Variants in FRMD8 observed in about 807,000 individuals in gnomAD.
FRMD8 encodes FERM domain-containing protein 8.
A neutral mutation model predicts 54.2 loss-of-function variants in FRMD8; 37 were observed. The ratio of observed to expected loss-of-function variants is 0.68; its 90% CI spans 0.53 to 0.90. The LOEUF is 0.90. Ranked by LOEUF, FRMD8 falls within the 40% of genes least tolerant of loss-of-function variation. The probability of loss-of-function intolerance (pLI) is 0.00; values close to 1 mark genes in which losing one functional copy is unlikely to be tolerated. For synonymous variants in FRMD8, 246 were observed against 286.9 expected (o/e 0.86, Z 1.44); for missense variants, 585 against 653.7 (o/e 0.89, Z 1.15).
rs1461381968 is a variant in FRMD8 at position 65,411,258 on chromosome 11, A to G, written c.1293A>G (p.Arg431=). ...DYVEDGKGIR[R]VKPKRTTSFF... ...CCCTCGCAGGCAAGGGGATCAGGCGAGTGAAGCCGAAGCGCACCACATCCT... is the reference window on the plus strand; with the variant it reads ...CCCTCGCAGGCAAGGGGATCAGGCGGGTGAAGCCGAAGCGCACCACATCCT... Residue 431 remains arginine (R), a synonymous_variant, in exon 11 of 11, where the codon CGA becomes CGG. Transcript: ENST00000317568. 6.2e-7 allele frequency: 1 copy of G among 1,608,210 alleles called. No homozygotes were observed. Among genetic ancestry groups the G allele is most frequent in the African/African-American group, 1.3e-5 (1 of 74,720 alleles).
Position 65,400,616 on chromosome 11 carries a change from C to G in FRMD8, c.928-108C>G. 8.9e-7 allele frequency: 1 copy of G among 1,129,338 alleles called. No individual in the cohort carries two copies. Among genetic ancestry groups the G allele is most frequent in the South Asian group, 1.7e-5 (1 of 58,022 alleles). The allele number at this position is 1,129,338 out of a possible 1,614,324, so 70.0% of individuals were successfully genotyped here. Reference sequence around the variant, plus strand: ...ACAGAAACACATGAACAAATGTAGACTCAGCCTTGGAGAGGCACACACCCT... The same window carrying G: ...ACAGAAACACATGAACAAATGTAGAGTCAGCCTTGGAGAGGCACACACCCT... On this transcript the variant is annotated intron_variant, in intron 8 of 10. Coordinates refer to ENST00000317568, the MANE Select transcript of FRMD8 (RefSeq NM_031904.5). This position sits in a 1 kb window ranked among gnomAD's most constrained non-coding sequence, Gnocchi z 4.3.
chr11:65,411,161 C>G, intron 10 of FRMD8, 81 bp from the exon 11 acceptor site: 1 of 1,208,408 alleles, frequency 8.3e-7, no homozygotes, highest in Non-Finnish European at 1.2e-6. Context: ...CGCGCTGGAG[C>G]CAGAACCTGG....
At chr11:65,390,973 A>T (rs917280223) in intron 3 of FRMD8, among the ~76,000 whole-genome samples, 1 of 152,220 alleles carries the variant, frequency 6.6e-6, no homozygotes, top group Non-Finnish European at 1.5e-5. Context: ...GGGTTCAGGG[A>T]GGCTGAAAAG....
chr11:65,383,224 C>T (rs530053480), upstream of FRMD8: 7 of 152,686 alleles, frequency 4.6e-5, no homozygotes, highest in East Asian at 1.2e-3. Flanking sequence ...CCCAGTCCTT[C>T]TCTCCCTTCT....
chr11:65,405,672 C>T (rs1407520534), intron 10 of FRMD8, among the ~76,000 whole-genome samples: 1 of 151,910 alleles, frequency 6.6e-6, no homozygotes, highest in Non-Finnish European at 1.5e-5. Context: ...ACTGCTGTGA[C>T]CACATCTTGG....
At chr11:65,377,954 G>A in the FRMD8 span, 49 of 152,506 alleles carry the variant, frequency 3.2e-4, no homozygotes, top group African/African-American at 1.1e-3. Flanking sequence ...ATGGCTGATG[G>A]CGACGGGGGC....
upstream of FRMD8, chr11:65,382,530 T>G (rs1565588246): frequency 6.5e-6 from 1 of 154,874 alleles, no homozygotes; most frequent in Non-Finnish European, 1.4e-5. This position sits in a 1 kb window ranked among gnomAD's most constrained non-coding sequence, Gnocchi z 4.4. Context: ...CTCCCCCGAC[T>G]CCCCCGTGTG....
the FRMD8 span, chr11:65,376,541 A>C: frequency 6.2e-7 from 1 of 1,614,188 alleles, no homozygotes; most frequent in Non-Finnish European, 8.5e-7. Flanking sequence ...CTCACCATGC[A>C]GTCCAGCATC....
chr11:65,397,084 C>A, intron 7 of FRMD8, 64 bp downstream of exon 7: 3 of 941,918 alleles, frequency 3.2e-6, no homozygotes, highest in Non-Finnish European at 4.5e-6. Flanking sequence ...TTTGCTAGCA[C>A]AGCTGCCAGT....
rs1230408123 is a variant in FRMD8, at chr11:65,404,262, G to A, written c.1072-602G>A. Among the ~76,000 whole-genome samples the A allele has an allele frequency of 6.6e-6, 1 of 152,196 alleles. No individual in the cohort carries two copies. Among genetic ancestry groups the A allele is most frequent in the Non-Finnish European group, 1.5e-5 (1 of 68,022 alleles). ...CACTCAGGAAATACCTGTGTCCTAA[G>A]GGGTGCCACCCTTTTAACACCCTCT... On this transcript the variant is annotated intron_variant, in intron 9 of 10. Transcript: ENST00000317568. This position sits in a 1 kb window ranked among gnomAD's most constrained non-coding sequence, Gnocchi z 4.7.
chr11:65,406,811 C>T (rs770645501), intron 10 of FRMD8, among the ~76,000 whole-genome samples: 3 of 151,832 alleles, frequency 2.0e-5, no homozygotes, highest in East Asian at 2.0e-4. Context: ...TGGTGGTGGT[C>T]GCCTGTAGTC....
rs567861700 is a variant in FRMD8 at position 65,400,076 on chromosome 11, C to T, written c.927+217C>T. Among the ~76,000 whole-genome samples, 12 of 152,274 alleles carry T rather than the reference C, an allele frequency of 7.9e-5. No individual in the cohort carries two copies. The highest frequency in any genetic ancestry group is 2.9e-4 in the African/African-American group (12 of 41,554). ...GTGGGGTGGCCGGGGCAGGGGAGGC[C>T]GCAGCTGGGACTTCACTGCTGAGTG... On this transcript the variant is annotated intron_variant, in intron 8 of 10. Coordinates refer to ENST00000317568, the MANE Select transcript of FRMD8 (RefSeq NM_031904.5). This position sits in a 1 kb window ranked among gnomAD's most constrained non-coding sequence, Gnocchi z 4.3.
chr11:65,391,146 A>G (rs1005574380), intron 3 of FRMD8, among the ~76,000 whole-genome samples: 3 of 152,256 alleles, frequency 2.0e-5, no homozygotes, highest in Non-Finnish European at 4.4e-5. Context: ...ATGTTTTGGC[A>G]GGGCTTAGCC....
chr11:65,376,595 A>T, the FRMD8 span: 1 of 1,613,962 alleles, frequency 6.2e-7, no homozygotes, highest in African/African-American at 1.3e-5. Flanking sequence ...TGCATCCGGG[A>T]CTTGATCATG....
the FRMD8 span, chr11:65,379,263 C>G: frequency 0.42 from 538,385 of 1,270,886 alleles, 116,571 homozygotes; most frequent in Admixed American, 0.61. Flanking sequence ...TCTTGTTCCC[C>G]TCCAAGAGGC....
chr11:65,376,918 T>A, the FRMD8 span: 706 of 1,613,812 alleles, frequency 4.4e-4, 6 homozygotes, highest in East Asian at 0.016. Flanking sequence ...GGGCCCAGGC[T>A]CCTCGGAACA....
intron 10 of FRMD8, among the ~76,000 whole-genome samples, chr11:65,409,486 A>G (rs1856282194): frequency 1.3e-5 from 2 of 152,322 alleles, no homozygotes; most frequent in Non-Finnish European, 2.9e-5. Context: ...ACTTTTTAAA[A>G]TTAACAATCT....
rs767144496 is a variant in FRMD8, at chr11:65,399,844, C to T, written c.912C>T (p.Ile304=). 3.1e-5 allele frequency: 50 copies of T among 1,613,424 alleles called. No homozygotes were observed. Among genetic ancestry groups the T allele is most frequent in the African/African-American group, 4.0e-5 (3 of 74,920 alleles). The part of the protein sequence containing the change: ...VAISLEGVHV[I]DSREKHVLLG... ...TCAGTCTGGAAGGCGTGCACGTCAT[C>T]GATAGCAGAGAGAAGGTACTGCCCC... The change falls in exon 8 of 11, where the codon ATC becomes ATT. Residue 304 remains isoleucine, a synonymous_variant. Transcript: ENST00000317568.
intron 3 of FRMD8, among the ~76,000 whole-genome samples, chr11:65,392,707 A>G (rs1590649256): frequency 6.6e-6 from 1 of 152,076 alleles, no homozygotes; most frequent in Non-Finnish European, 1.5e-5. Context: ...ACGGCGGTGG[A>G]CAATTCTGCA....
Sources: allele counts gnomAD v4.1 joint callset (sites outside exome capture counted in the v4.1 genomes callset), GRCh38; gene constraint gnomAD v4.1.1; non-coding constraint Gnocchi (gnomAD v3.1); transcripts MANE v1.5; gene names NCBI Gene and HGNC (gene_info 2026-07-23, HGNC 2026-07-21).